The following SLC51A variants were observed in gnomAD, a reference collection of about 807,000 sequenced individuals.
SLC51A encodes the protein organic solute transporter subunit alpha.
Under a neutral mutation model 34.8 loss-of-function variants are expected in SLC51A, and 22 were observed. The observed-to-expected ratio is 0.63, with a 90% confidence interval of 0.45 to 0.90. The LOEUF is 0.90. SLC51A is among the 40% of genes least tolerant of loss of function. The pLI is 0.00. For missense variants in SLC51A, 371 were observed against 414.8 expected, an observed-to-expected ratio of 0.89 and a Z score of 0.92; for synonymous variants, 181 against 176.3, an observed-to-expected ratio of 1.03 and a Z score of -0.21.
intron 2 of SLC51A, among the ~76,000 whole-genome samples, chr3:196,222,995 G>A (rs1032207081): frequency 6.6e-6 from 1 of 151,808 alleles, no homozygotes; most frequent in Non-Finnish European, 1.5e-5. Context: ...TGAACAGTCA[G>A]AATCTGCCCC....
At chr3:196,232,596 A>T in intron 8 of SLC51A, 72 bp downstream of exon 8, 1 of 1,180,334 alleles carries the variant, frequency 8.5e-7, no homozygotes, top group Non-Finnish European at 1.3e-6. Flanking sequence ...AAGGGGCCCC[A>T]GAACAGACAT....
chr3:196,219,927 A>C (rs1723701454), intron 2 of SLC51A, among the ~76,000 whole-genome samples: 1 of 152,256 alleles, frequency 6.6e-6, no homozygotes, highest in Non-Finnish European at 1.5e-5. Context: ...GCAAACGGAA[A>C]CCCCAAGGCT....
chr3:196,226,914 C>A (rs762518706), intron 2 of SLC51A, 51 bp from the exon 3 acceptor site: 5 of 1,546,222 alleles, frequency 3.2e-6, no homozygotes, highest in Admixed American at 4.0e-5. Context: ...CAAGCCCAGG[C>A]CTTCTCCCGC....
Position 196,216,788 on chromosome 3 carries a change from CA to C in SLC51A, c.38+39del, listed in dbSNP as rs534595053. The C allele has an allele frequency of 2.6e-6, 4 of 1,550,860 alleles. No homozygotes were observed. The South Asian group carries it at 4.8e-5, about 18-fold the overall frequency. The stretch of plus-strand genomic sequence containing the variant: ...GGCGGGCCCTGGGCCAGTCGCTGGG[CA>C]GCGGTGGCCCCTATCCCGCGGCCTG... On this transcript the variant is annotated intron_variant, in intron 1 of 8. Coordinates refer to ENST00000296327, the MANE Select transcript of SLC51A (RefSeq NM_152672.6). The surrounding 1 kb of genome is among the most constrained non-coding windows in gnomAD (Gnocchi z 4.5).
intron 2 of SLC51A, among the ~76,000 whole-genome samples, chr3:196,221,696 T>A (rs1723759784): frequency 6.6e-6 from 1 of 151,828 alleles, no homozygotes; most frequent in Non-Finnish European, 1.5e-5. Flanking sequence ...TTTTGTTTGT[T>A]TGTTTGTTTG....
At chr3:196,225,392 TC>T (rs1723871633) in intron 2 of SLC51A, among the ~76,000 whole-genome samples, 1 of 152,150 alleles carries the variant, frequency 6.6e-6, no homozygotes, top group Non-Finnish European at 1.5e-5. Flanking sequence ...GCCACCTTTC[TC>T]CCTGTTTTGG....
At chr3:196,219,299 C>T (rs537849825) in intron 2 of SLC51A, among the ~76,000 whole-genome samples, 5 of 152,248 alleles carry the variant, frequency 3.3e-5, no homozygotes, top group South Asian at 4.2e-4. Flanking sequence ...GCTTATTCCC[C>T]GGACACCAAA....
Position 196,229,958 on chromosome 3 carries a change from GC to G in SLC51A, c.678del (p.Val227CysfsTer39), listed in dbSNP as rs1234294637. The G allele has an allele frequency of 6.2e-7, 1 of 1,613,464 alleles. No individual in the cohort carries two copies. The highest frequency in any genetic ancestry group is 1.1e-5 in the South Asian group (1 of 90,990). On this transcript the variant is annotated frameshift_variant, in exon 7 of 9. Coordinates refer to ENST00000296327, the MANE Select transcript of SLC51A (RefSeq NM_152672.6). LOFTEE classifies it high-confidence loss of function. ...STALWINTFL[G>X]VSTLLALWTL... is the part of the protein sequence containing the mutation. The stretch of plus-strand genomic sequence containing the variant: ...GCTCTATGGATCAACACTTTCCTTG[GC>G]GTGTCCACACTGCTGGCTCTCTGGA...
At chr3:196,221,465 T>G (rs1213528524) in intron 2 of SLC51A, among the ~76,000 whole-genome samples, 2 of 151,534 alleles carry the variant, frequency 1.3e-5, no homozygotes, top group Non-Finnish European at 2.9e-5. Flanking sequence ...AGAGTCTGAC[T>G]TCGTTGCCCA....
At position 196,233,315 on chromosome 3, in the gene SLC51A, G is replaced by C. The variant is rs534856838; in HGVS notation, c.*116G>C. On this transcript the variant is annotated 3_prime_UTR_variant, in exon 9 of 9. Coordinates refer to ENST00000296327, the MANE Select transcript of SLC51A (RefSeq NM_152672.6). Reference sequence around the variant, plus strand: ...TCCCCCTTGTCAACACAAGCTGGCAGATACATTTGACTCTACAGATGAAGG... The same window carrying C: ...TCCCCCTTGTCAACACAAGCTGGCACATACATTTGACTCTACAGATGAAGG... The C allele has an allele frequency of 1.4e-5, 17 of 1,176,120 alleles. No homozygotes were observed. The African/African-American group carries it at 2.6e-4, about 18-fold the overall frequency. 72.9% of individuals were successfully genotyped at this position (1,176,120 alleles called of 1,614,324 possible).
intron 3 of SLC51A, 79 bp downstream of exon 3, chr3:196,227,198 A>ACGGCACTTC: frequency 7.4e-7 from 1 of 1,347,824 alleles, no homozygotes; most frequent in Admixed American, 2.0e-5. Flanking sequence ...TAAACTCAGC[A>ACGGCACTTC]CGTCACTTCG....
intron 7 of SLC51A, among the ~76,000 whole-genome samples, chr3:196,230,737 G>C (rs999191790): frequency 6.6e-6 from 1 of 152,186 alleles, no homozygotes; most frequent in Non-Finnish European, 1.5e-5. Flanking sequence ...ACCCGCCTCA[G>C]CCTCCCAAAG....
Position 196,233,245 on chromosome 3 carries a change from C to T in SLC51A, c.*46C>T, listed in dbSNP as rs1724067597. ...AAAGGATGCTGTACTCATTAGAATACAAGATTCCTTTACTGTCCCTCAACC... is the reference window on the plus strand; with the variant it reads ...AAAGGATGCTGTACTCATTAGAATATAAGATTCCTTTACTGTCCCTCAACC... On this transcript the variant is annotated 3_prime_UTR_variant, in exon 9 of 9. Coordinates refer to ENST00000296327, the MANE Select transcript of SLC51A (RefSeq NM_152672.6). The T allele has an allele frequency of 6.3e-7, 1 of 1,599,708 alleles. No homozygotes were observed. The highest frequency in any genetic ancestry group is 8.5e-7 in the Non-Finnish European group (1 of 1,172,364).
intron 3 of SLC51A, 83 bp downstream of exon 3, chr3:196,227,202 C>CACTTCCGTA (rs2108755832): frequency 6.8e-7 from 1 of 1,461,508 alleles, no homozygotes; most frequent in Non-Finnish European, 9.3e-7. Context: ...CTCAGCACGT[C>CACTTCCGTA]ACTTCGGCAA....
chr3:196,225,025 C>CTT (rs34324841), intron 2 of SLC51A, among the ~76,000 whole-genome samples: 12 of 140,564 alleles, frequency 8.5e-5, no homozygotes, highest in Admixed American at 1.4e-4. Context: ...AGGTATTTTC[C>CTT]TTTTTTTTTT....
Position 196,219,107 on chromosome 3 carries a change from T to C in SLC51A, c.133+1171T>C, listed in dbSNP as rs184260073. ...CAGGCGTGGTGGCGGGCACCTGTAA[T>C]CCCAGCTACTCGGGAGGCTGAGGCA... On this transcript the variant is annotated intron_variant, in intron 2 of 8. Transcript: ENST00000296327. 5.0e-3 allele frequency among the ~76,000 whole-genome samples: 757 copies of C among 152,140 alleles called. 6 individuals are homozygous for C. Among genetic ancestry groups the C allele is most frequent in the African/African-American group, 0.018 (729 of 41,488 alleles).
chr3:196,229,129 A>G (rs1201400200), intron 6 of SLC51A, among the ~76,000 whole-genome samples: 1 of 152,102 alleles, frequency 6.6e-6, no homozygotes, highest in Non-Finnish European at 1.5e-5. Flanking sequence ...GGGAGAGGAG[A>G]GCTCAAAGGA....
At chr3:196,220,158 G>T (rs9825083) in intron 2 of SLC51A, among the ~76,000 whole-genome samples, 1 of 152,254 alleles carries the variant, frequency 6.6e-6, no homozygotes, top group Non-Finnish European at 1.5e-5. Flanking sequence ...GGCCCGCTGC[G>T]CGCCGGGCTG....
chr3:196,233,097 T>C lies in SLC51A; in HGVS notation c.921T>C (p.Phe307=), dbSNP rs552441646. 1.2e-6 allele frequency: 2 copies of C among 1,614,080 alleles called. No homozygotes were observed. Among genetic ancestry groups the C allele is most frequent in the Non-Finnish European group, 1.7e-6 (2 of 1,180,010 alleles). Residue 307 remains phenylalanine, a synonymous_variant, in exon 9 of 9, where the codon TTT becomes TTC. Transcript: ENST00000296327. ...MNCHLLILET[F]LMTVLTRMYY... ...GCCACCTCCTCATACTGGAGACTTT[T>C]CTAATGACTGTGCTGACACGAATGT...
Sources: gnomAD v4.1 joint callset for allele counts (sites outside exome capture counted in the v4.1 genomes callset) on GRCh38, gnomAD v4.1.1 for gene constraint, Gnocchi (gnomAD v3.1) non-coding constraint, MANE v1.5 for transcripts, NCBI Gene and HGNC (gene_info 2026-07-23, HGNC 2026-07-21) for gene names.